Variants in NR3C2 observed in about 807,000 individuals in gnomAD.
NR3C2 encodes the protein mineralocorticoid receptor.
A neutral mutation model predicts 86.4 loss-of-function variants in NR3C2; 15 were observed. The observed-to-expected ratio is 0.17, with a 90% confidence interval of 0.12 to 0.27. The LOEUF (loss-of-function observed/expected upper bound fraction) is 0.27. Ranked by LOEUF, NR3C2 falls within the 10% of genes least tolerant of loss-of-function variation. The pLI is 1.00. For synonymous variants in NR3C2, 458 were observed against 450.5 expected (o/e 1.02, Z -0.21); for missense variants, 960 against 1,195.6 (o/e 0.80, Z 2.91).
intron 2 of NR3C2, among the ~76,000 whole-genome samples, chr4:148,303,283 T>C (rs193194227): frequency 2.6e-5 from 4 of 152,206 alleles, no homozygotes; most frequent in Admixed American, 2.6e-4. Flanking sequence ...CAACCAACAA[T>C]CTCCAGTTGC....
intron 2 of NR3C2, among the ~76,000 whole-genome samples, chr4:148,339,995 G>C (rs1001070287): frequency 1.3e-5 from 2 of 151,986 alleles, no homozygotes; most frequent in Admixed American, 1.3e-4. Flanking sequence ...TTTAACCAAA[G>C]AAGTAAAAGA....
intron 3 of NR3C2, among the ~76,000 whole-genome samples, chr4:148,241,034 G>A (rs774498296): frequency 5.3e-5 from 8 of 151,966 alleles, no homozygotes; most frequent in African/African-American, 9.7e-5. Context: ...AGCTGGGCGC[G>A]GTGGCTCACG....
intron 2 of NR3C2, among the ~76,000 whole-genome samples, chr4:148,406,385 T>G (rs893308232): frequency 6.6e-6 from 1 of 152,178 alleles, no homozygotes; most frequent in African/African-American, 2.4e-5. Flanking sequence ...GCCTTCTGGA[T>G]GGAGCAGTTT....
intron 2 of NR3C2, among the ~76,000 whole-genome samples, chr4:148,391,783 C>G (rs1747585124): frequency 6.7e-6 from 1 of 150,374 alleles, no homozygotes; most frequent in African/African-American, 2.4e-5. Context: ...AGGAGAATCA[C>G]TTGAACCCGG....
At chr4:148,380,823 C>T (rs7698302) in intron 2 of NR3C2, among the ~76,000 whole-genome samples, 1 of 151,920 alleles carries the variant, frequency 6.6e-6, no homozygotes, top group East Asian at 1.9e-4. Flanking sequence ...CATATTTAGA[C>T]CTCATTAACA....
chr4:148,136,113 A>C (rs1480087528), intron 6 of NR3C2, among the ~76,000 whole-genome samples: 2 of 151,276 alleles, frequency 1.3e-5, no homozygotes, highest in East Asian at 3.9e-4. Context: ...AACAAAAAAA[A>C]CAAACAAAAA....
intron 3 of NR3C2, among the ~76,000 whole-genome samples, chr4:148,231,494 CA>C (rs941171898): frequency 6.6e-6 from 1 of 151,930 alleles, no homozygotes; most frequent in African/African-American, 2.4e-5. Context: ...AGTACTGCAT[CA>C]AAAAAAATCT....
intron 4 of NR3C2, among the ~76,000 whole-genome samples, chr4:148,178,228 A>T (rs1735469583): frequency 1.4e-5 from 2 of 147,028 alleles, no homozygotes; most frequent in South Asian, 4.5e-4. Flanking sequence ...CTAGTTGGTA[A>T]GCTGAGGTAT....
chr4:148,388,961 C>G (rs572481335), intron 2 of NR3C2, among the ~76,000 whole-genome samples: 10 of 152,190 alleles, frequency 6.6e-5, no homozygotes, highest in Non-Finnish European at 1.2e-4. Flanking sequence ...CTACAGCCTG[C>G]TAGCTTACAG....
At chr4:148,208,129 AG>A in intron 3 of NR3C2, 1 of 152,374 alleles carries the variant, frequency 6.6e-6, no homozygotes, top group South Asian at 2.1e-4. Context: ...CTCTTCCCCA[AG>A]GTCACAGCCC....
intron 2 of NR3C2, among the ~76,000 whole-genome samples, chr4:148,336,707 C>G (rs1744506758): frequency 6.6e-6 from 1 of 152,180 alleles, no homozygotes; most frequent in African/African-American, 2.4e-5. Context: ...AGGTATCTTA[C>G]ATAGCCTAGT....
chr4:148,261,195 A>G (rs956525155), intron 2 of NR3C2, among the ~76,000 whole-genome samples: 1 of 151,946 alleles, frequency 6.6e-6, no homozygotes, highest in African/African-American at 2.4e-5. Flanking sequence ...GCTATGGTGC[A>G]CTATGGTAAG....
At position 148,351,380 on chromosome 4, in the gene NR3C2, C is replaced by T. The variant is rs371035376; in HGVS notation, c.1757+83724G>A. Among the ~76,000 whole-genome samples, 32 of 152,230 alleles carry T rather than the reference C, an allele frequency of 2.1e-4. No individual in the cohort carries two copies. The South Asian group carries it at 6.4e-3, about 31-fold the overall frequency. ...TGGGTCTTGAACTTCTGAGCTCAGGCAATCCACCTGCCTAGGCCTCCCAAA... is the reference window on the plus strand; with the variant it reads ...TGGGTCTTGAACTTCTGAGCTCAGGTAATCCACCTGCCTAGGCCTCCCAAA... On this transcript the variant is annotated intron_variant, in intron 2 of 8. Coordinates refer to ENST00000358102, the MANE Select transcript of NR3C2 (RefSeq NM_000901.5).
intron 2 of NR3C2, among the ~76,000 whole-genome samples, chr4:148,377,439 T>C (rs1021589802): frequency 1.6e-4 from 24 of 152,186 alleles, no homozygotes; most frequent in Non-Finnish European, 3.4e-4. Context: ...TATTTAAAAA[T>C]AGATGCTGTC....
intron 4 of NR3C2, among the ~76,000 whole-genome samples, chr4:148,168,919 C>T (rs564890592): frequency 6.6e-6 from 1 of 151,054 alleles, no homozygotes; most frequent in South Asian, 2.1e-4. Context: ...CAAAAATATG[C>T]CTTCATAAAG....
chr4:148,424,035 T>C (rs555138340), intron 2 of NR3C2, among the ~76,000 whole-genome samples: 4 of 152,318 alleles, frequency 2.6e-5, no homozygotes, highest in Admixed American at 2.0e-4. Context: ...ATTTTAAATA[T>C]CTATTGTACT....
chr4:148,222,982 T>TA (rs1737938587), intron 3 of NR3C2, among the ~76,000 whole-genome samples: 1 of 152,044 alleles, frequency 6.6e-6, no homozygotes, highest in Admixed American at 6.6e-5. Context: ...ATATTAGTGG[T>TA]AAAAAACCAA....
chr4:148,144,359 T>G (rs1733763806), intron 6 of NR3C2, among the ~76,000 whole-genome samples: 2 of 152,152 alleles, frequency 1.3e-5, no homozygotes, highest in South Asian at 4.2e-4. Context: ...TGCACACTAC[T>G]GTGCCTAGCT....
intron 2 of NR3C2, among the ~76,000 whole-genome samples, chr4:148,286,810 C>T (rs1192542620): frequency 6.6e-6 from 1 of 152,164 alleles, no homozygotes; most frequent in East Asian, 1.9e-4. Context: ...CAACTGAACA[C>T]AATAACAGCA....
Sources: allele counts gnomAD v4.1 joint callset (sites outside exome capture counted in the v4.1 genomes callset), GRCh38; gene constraint gnomAD v4.1.1; transcripts MANE v1.5; gene names NCBI Gene and HGNC (gene_info 2026-07-23, HGNC 2026-07-21).